TDRD3: variants seen among roughly 807,000 people sequenced by gnomAD.
TDRD3 encodes the protein tudor domain-containing protein 3.
In TDRD3, 45 loss-of-function variants were observed where a neutral mutation model predicts 86.7. The observed-to-expected ratio is 0.52, with a 90% CI of 0.41 to 0.67. The LOEUF (loss-of-function observed/expected upper bound fraction) is 0.67. TDRD3 is among the 30% of genes least tolerant of loss of function. The probability of loss-of-function intolerance (pLI) is 0.00; values close to 1 mark genes in which losing one functional copy is unlikely to be tolerated. For synonymous variants in TDRD3, 298 were observed against 301.7 expected, an observed-to-expected ratio of 0.99 and a Z score of 0.13; for missense variants, 814 against 889.0, an observed-to-expected ratio of 0.92 and a Z score of 1.07.
intron 11 of TDRD3, among the ~76,000 whole-genome samples, chr13:60,529,512 A>C (rs1389178148): frequency 6.6e-6 from 1 of 152,186 alleles, no homozygotes; most frequent in Admixed American, 6.5e-5. Context: ...TTTACTTATC[A>C]TCAACTGAAT....
chr13:60,407,456 G>C (rs1366587608), intron 1 of TDRD3, among the ~76,000 whole-genome samples: 1 of 152,124 alleles, frequency 6.6e-6, no homozygotes, highest in African/African-American at 2.4e-5. Context: ...TGAAAAATGT[G>C]ATCTCCTCAG....
At chr13:60,406,161 G>A (rs2137810140) in intron 1 of TDRD3, among the ~76,000 whole-genome samples, 1 of 152,310 alleles carries the variant, frequency 6.6e-6, no homozygotes, top group South Asian at 2.1e-4. Flanking sequence ...CTTGCACTCA[G>A]AAGAGAAGAC....
At chr13:60,542,000 T>G (rs2137852497) in intron 12 of TDRD3, among the ~76,000 whole-genome samples, 1 of 152,180 alleles carries the variant, frequency 6.6e-6, no homozygotes, top group East Asian at 1.9e-4. Context: ...GTGCTGGGAT[T>G]ACAGTCGTGA....
At chr13:60,478,195 T>A (rs966327903) in intron 5 of TDRD3, among the ~76,000 whole-genome samples, 1 of 152,098 alleles carries the variant, frequency 6.6e-6, no homozygotes, top group Non-Finnish European at 1.5e-5. Flanking sequence ...ATCTTTTGTA[T>A]TTCTGTGGGA....
chr13:60,515,312 G>T (rs900330857), intron 10 of TDRD3, among the ~76,000 whole-genome samples: 1 of 152,058 alleles, frequency 6.6e-6, no homozygotes, highest in African/African-American at 2.4e-5. Context: ...ACACTATTTG[G>T]TTTGCTATTT....
intron 7 of TDRD3, among the ~76,000 whole-genome samples, chr13:60,489,610 G>A (rs551276094): frequency 6.6e-6 from 1 of 152,000 alleles, no homozygotes; most frequent in East Asian, 1.9e-4. Context: ...CTTCATATGT[G>A]AGAATTAAAA....
At chr13:60,525,176 T>C (rs1957395051) in intron 10 of TDRD3, among the ~76,000 whole-genome samples, 1 of 125,418 alleles carries the variant, frequency 8.0e-6, no homozygotes, top group Non-Finnish European at 1.8e-5. Flanking sequence ...CTTTTTTTTT[T>C]TTTTTTTTTT....
At position 60,505,279 on chromosome 13, in the gene TDRD3, C is replaced by T. The variant is rs1956911175; in HGVS notation, c.859-4484C>T. 2.6e-5 allele frequency among the ~76,000 whole-genome samples: 4 copies of T among 152,146 alleles called. No individual in the cohort carries two copies. In the South Asian group the frequency reaches 8.3e-4, roughly 31 times the overall value. The stretch of plus-strand genomic sequence containing the variant: ...GAGAGGGGTGTCTGCCATTACTAAG[C>T]CTTAGTAGGCAGTTTTCCCCTCACA... On this transcript the variant is annotated intron_variant, in intron 8 of 13. Transcript: ENST00000377881.
At chr13:60,554,341 A>G (rs540479315) in intron 12 of TDRD3, among the ~76,000 whole-genome samples, 1 of 152,362 alleles carries the variant, frequency 6.6e-6, no homozygotes, top group South Asian at 2.1e-4. Flanking sequence ...AATGTAGCTT[A>G]TCAACACTGT....
chr13:60,396,946 CCGCCTGTGGG>C (rs912748325), upstream of TDRD3: 1 of 155,580 alleles, frequency 6.4e-6, no homozygotes, highest in Non-Finnish European at 1.4e-5. Flanking sequence ...TCTGAGGTGG[CCGCCTGTGGG>C]CGCTGCAAAC....
intron 12 of TDRD3, chr13:60,547,428 A>C: frequency 1.0e-6 from 1 of 985,332 alleles, no homozygotes; most frequent in Non-Finnish European, 1.2e-6. Context: ...GGAAATGCAC[A>C]GGAGGAGTCA....
At chr13:60,456,069 CAAA>C (rs35117003) in intron 3 of TDRD3, among the ~76,000 whole-genome samples, 3 of 95,560 alleles carry the variant, frequency 3.1e-5, no homozygotes, top group Non-Finnish European at 4.0e-5. Flanking sequence ...GACTATGTCT[CAAA>C]AAAAAAAAAA....
chr13:60,468,197 T>C (rs145994363), intron 5 of TDRD3, among the ~76,000 whole-genome samples: 2 of 152,214 alleles, frequency 1.3e-5, no homozygotes, highest in Non-Finnish European at 2.9e-5. Context: ...TTTTCAACTT[T>C]CTAAATTCTT....
intron 3 of TDRD3, among the ~76,000 whole-genome samples, chr13:60,452,781 T>C (rs1016447072): frequency 1.3e-5 from 2 of 151,562 alleles, no homozygotes; most frequent in African/African-American, 4.8e-5. Flanking sequence ...TGCACCAACC[T>C]AATAGTTTCT....
At chr13:60,529,832 C>T (rs142696817) in intron 11 of TDRD3, among the ~76,000 whole-genome samples, 2 of 152,000 alleles carry the variant, frequency 1.3e-5, no homozygotes, top group East Asian at 3.9e-4. Flanking sequence ...GAAGGAAAGA[C>T]AGAAGATGAG....
At position 60,563,330 on chromosome 13, in the gene TDRD3, C is replaced by T. The variant is rs554029940; in HGVS notation, c.2119-4195C>T. Among the ~76,000 whole-genome samples, 5 of 152,110 alleles carry T rather than the reference C, an allele frequency of 3.3e-5. No individual in the cohort carries two copies. In the East Asian group the frequency reaches 5.8e-4, roughly 18 times the overall value. ...AAGTATTTTCAGCAAATAGAGCCCC[C>T]GCCAAATTTCTATAGAGAGTTGGGT... On this transcript the variant is annotated intron_variant, in intron 12 of 13. Coordinates refer to ENST00000377881, the MANE Select transcript of TDRD3 (RefSeq NM_001146070.2).
intron 8 of TDRD3, among the ~76,000 whole-genome samples, chr13:60,498,615 A>G (rs1956766619): frequency 6.6e-6 from 1 of 152,136 alleles, no homozygotes; most frequent in Non-Finnish European, 1.5e-5. Context: ...GTGGCCCCTC[A>G]ATCAATTTTC....
chr13:60,453,593 G>A (rs1453755945), intron 3 of TDRD3, among the ~76,000 whole-genome samples: 1 of 152,140 alleles, frequency 6.6e-6, no homozygotes, highest in Non-Finnish European at 1.5e-5. Context: ...GTTTAACCGA[G>A]GTTCTTGACA....
intron 1 of TDRD3, among the ~76,000 whole-genome samples, chr13:60,417,810 T>A (rs1369814062): frequency 1.3e-5 from 2 of 151,482 alleles, no homozygotes; most frequent in Non-Finnish European, 3.0e-5. Context: ...ATCTCCCAAG[T>A]TCTTCTTCTC....
Sources: gnomAD v4.1 joint callset for allele counts (sites outside exome capture counted in the v4.1 genomes callset) on GRCh38, gnomAD v4.1.1 for gene constraint, MANE v1.5 for transcripts, NCBI Gene and HGNC (gene_info 2026-07-23, HGNC 2026-07-21) for gene names.